The following NFX1 variants were observed in gnomAD, a reference collection of about 807,000 sequenced individuals.
NFX1 encodes transcriptional repressor NF-X1.
Under a neutral mutation model 137.2 loss-of-function variants are expected in NFX1, and 69 were observed. The ratio of observed to expected loss-of-function variants is 0.50; its 90% confidence interval spans 0.41 to 0.61. The LOEUF (loss-of-function observed/expected upper bound fraction) is 0.61. Among genes scored for constraint, NFX1 ranks in the 20% least tolerant of loss-of-function variants. The pLI is 0.00. For synonymous variants in NFX1, 495 were observed against 474.1 expected, an observed-to-expected ratio of 1.04 and a Z score of -0.57; for missense variants, 1,167 against 1,391.0, an observed-to-expected ratio of 0.84 and a Z score of 2.56.
At chr9:33,358,959 A>C (rs1194695230) in intron 19 of NFX1, among the ~76,000 whole-genome samples, 1 of 151,852 alleles carries the variant, frequency 6.6e-6, no homozygotes, top group African/African-American at 2.4e-5. Flanking sequence ...TCAGCCTTCC[A>C]AAGTGCTGGG....
rs1472109073 is a variant in NFX1 at position 33,369,627 on chromosome 9, T to C, written c.3291-279T>C. 2.6e-5 allele frequency among the ~76,000 whole-genome samples: 4 copies of C among 152,130 alleles called. 1 individual carries two copies. The South Asian group carries it at 6.2e-4, about 24-fold the overall frequency. ...ATCATCATATATGAAATCCTGTAAATAGATTGTGAAAGGTTACCTCTAAAC... is the reference window on the plus strand; with the variant it reads ...ATCATCATATATGAAATCCTGTAAACAGATTGTGAAAGGTTACCTCTAAAC... On this transcript the variant is annotated intron_variant, in intron 23 of 23. Coordinates refer to ENST00000379540, the MANE Select transcript of NFX1 (RefSeq NM_002504.6).
chr9:33,320,333 C>G (rs1283501870), intron 9 of NFX1, among the ~76,000 whole-genome samples: 1 of 152,182 alleles, frequency 6.6e-6, no homozygotes, highest in Non-Finnish European at 1.5e-5. Context: ...TGTAATTTTT[C>G]TCTCATTGAC....
intron 4 of NFX1, among the ~76,000 whole-genome samples, chr9:33,303,742 GT>G (rs959381380): frequency 6.6e-6 from 1 of 152,134 alleles, no homozygotes; most frequent in African/African-American, 2.4e-5. Flanking sequence ...ACTTCTTTCT[GT>G]TTTTGAATAT....
intron 7 of NFX1, among the ~76,000 whole-genome samples, chr9:33,316,709 AATACT>A: frequency 6.6e-6 from 1 of 152,298 alleles, no homozygotes; most frequent in East Asian, 1.9e-4. Flanking sequence ...ATGTTGATAA[AATACT>A]AAATGGGTTA....
At chr9:33,314,609 G>A (rs1416088154) in intron 7 of NFX1, among the ~76,000 whole-genome samples, 1 of 152,056 alleles carries the variant, frequency 6.6e-6, no homozygotes, top group South Asian at 2.1e-4. Flanking sequence ...CCCGGGAGGC[G>A]GAGGTTGCAG....
At chr9:33,326,606 C>T (rs1587844200) in intron 9 of NFX1, among the ~76,000 whole-genome samples, 1 of 151,960 alleles carries the variant, frequency 6.6e-6, no homozygotes, top group South Asian at 2.1e-4. Flanking sequence ...TGTAGTCCCA[C>T]CTACTCAAGA....
At chr9:33,338,303 C>T (rs551169807) in intron 11 of NFX1, among the ~76,000 whole-genome samples, 19 of 151,488 alleles carry the variant, frequency 1.3e-4, no homozygotes, top group South Asian at 2.1e-4. Context: ...TGCAGTGAGC[C>T]GAGATCACAC....
chr9:33,356,931 A>G (rs1823828436), intron 19 of NFX1, among the ~76,000 whole-genome samples: 1 of 151,364 alleles, frequency 6.6e-6, no homozygotes, highest in African/African-American at 2.4e-5. Context: ...GGTTGAGGCT[A>G]CAGTGAGCCA....
intron 7 of NFX1, among the ~76,000 whole-genome samples, chr9:33,318,315 A>G (rs1222314460): frequency 6.6e-6 from 1 of 152,124 alleles, no homozygotes; most frequent in East Asian, 1.9e-4. Flanking sequence ...CTCCACCACT[A>G]CTACCAGCTT....
At chr9:33,348,068 G>A (rs899999256) in intron 15 of NFX1, 3 of 152,552 alleles carry the variant, frequency 2.0e-5, no homozygotes, top group Admixed American at 1.3e-4. Flanking sequence ...CTACACACTG[G>A]GTCCGAGCAC....
Position 33,328,620 on chromosome 9 carries a change from A to C in NFX1, c.1946A>C (p.Asp649Ala). Residue 649 changes from aspartate (D) to alanine (A), a missense_variant, in exon 10 of 24, where the codon GAC (aspartate) becomes GCC (alanine). Around this residue, in one of 3 missense-constraint regions of NFX1, gnomAD observed 488 missense variants for 691.5 expected, o/e 0.71. Transcript: ENST00000379540. Reference sequence around the variant, plus strand: ...TGTGAAAAGCTCTGCCATGAAGGAGACTGTGGACCATGCTCTCGCACATCA... The same window carrying C: ...TGTGAAAAGCTCTGCCATGAAGGAGCCTGTGGACCATGCTCTCGCACATCA... ...HTCEKLCHEG[D>A]CGPCSRTSVI... 6.2e-7 allele frequency: 1 copy of C among 1,612,546 alleles called. No homozygotes were observed. The highest frequency in any genetic ancestry group is 8.5e-7 in the Non-Finnish European group (1 of 1,178,712).
intron 10 of NFX1, among the ~76,000 whole-genome samples, chr9:33,332,045 G>A (rs79819765): frequency 0.019 from 2,873 of 152,060 alleles, 43 homozygotes; most frequent in Non-Finnish European, 0.029. Flanking sequence ...GTGTAGAGCC[G>A]TTTGTCCCTG....
At chr9:33,311,948 A>G (rs1821977786) in intron 6 of NFX1, among the ~76,000 whole-genome samples, 1 of 152,156 alleles carries the variant, frequency 6.6e-6, no homozygotes, top group African/African-American at 2.4e-5. Flanking sequence ...TGCCTAGCAC[A>G]GTATCTGGCA....
intron 9 of NFX1, among the ~76,000 whole-genome samples, chr9:33,325,589 G>A (rs1822554550): frequency 6.6e-6 from 1 of 152,098 alleles, no homozygotes; most frequent in Non-Finnish European, 1.5e-5. Flanking sequence ...GCATGAACCC[G>A]GGAGGCGTAG....
In NFX1 at chr9:33,294,886, G is replaced by A; in HGVS notation, c.492G>A (p.Arg164=). The change falls in exon 2 of 24, where the codon AGG becomes AGA. Residue 164 remains arginine, a synonymous_variant. Coordinates refer to ENST00000379540, the MANE Select transcript of NFX1 (RefSeq NM_002504.6). ...AGGAAGTTGTGGGTGCAGATCCCAG[G>A]GGAGCAAAACCCAAAAAAGCAACAC... The part of the protein sequence containing the change: ...SEKEVVGADP[R]GAKPKKATQF... 6.2e-7 allele frequency: 1 copy of A among 1,614,042 alleles called. No homozygotes were observed. Among genetic ancestry groups the A allele is most frequent in the Non-Finnish European group, 8.5e-7 (1 of 1,179,992 alleles).
chr9:33,342,243 T>G (rs960713693), intron 12 of NFX1, among the ~76,000 whole-genome samples: 1 of 151,996 alleles, frequency 6.6e-6, no homozygotes, highest in African/African-American at 2.4e-5. Flanking sequence ...GGGCGGATCA[T>G]GAGGTCAGGA....
chr9:33,338,731 T>A, intron 12 of NFX1, 142 bp downstream of exon 12: 1 of 695,248 alleles, frequency 1.4e-6, no homozygotes, highest in Non-Finnish European at 2.4e-6. Context: ...GCTCTCATAG[T>A]CCCCATAACC....
chr9:33,347,118 G>A lies in NFX1; in HGVS notation c.2424+1G>A, dbSNP rs761728109. 1 of 1,610,324 alleles carries A rather than the reference G, an allele frequency of 6.2e-7. No individual in the cohort carries two copies. The highest frequency in any genetic ancestry group is 1.3e-5 in the African/African-American group (1 of 74,846). On this transcript the variant is annotated splice_donor_variant, in intron 15 of 23. Transcript: ENST00000379540. LOFTEE classifies it high-confidence loss of function. ...GAAGTGGTGCATGGGCAAGCATGAG[G>A]TAAGTTTTCTCTCTCAAGTGCTCAT...
At chr9:33,346,783 G>A (rs1403341268) in intron 14 of NFX1, among the ~76,000 whole-genome samples, 2 of 152,156 alleles carry the variant, frequency 1.3e-5, no homozygotes, top group South Asian at 2.1e-4. Context: ...GAGATGAGAT[G>A]GGAAAGCTGC....
Sources: allele counts gnomAD v4.1 joint callset (sites outside exome capture counted in the v4.1 genomes callset), GRCh38; gene constraint gnomAD v4.1.1; regional missense constraint gnomAD v4.1.1; transcripts MANE v1.5; gene names NCBI Gene and HGNC (gene_info 2026-07-23, HGNC 2026-07-21).